CSMD1: variants seen among roughly 807,000 people sequenced by gnomAD.
The protein encoded by CSMD1 is CUB and Sushi multiple domains 1.
Under a neutral mutation model 417.5 loss-of-function variants are expected in CSMD1, and 213 were observed. The observed-to-expected ratio is 0.51, with a 90% CI of 0.46 to 0.57. CSMD1 has a LOEUF of 0.57. CSMD1 is among the 20% of genes least tolerant of loss of function. The pLI, the probability that CSMD1 is intolerant of heterozygous loss-of-function variation, is 0.00. For synonymous variants in CSMD1, 2,862 were observed against 1,736.8 expected (o/e 1.65, Z -16.11); for missense variants, 6,923 against 4,529.7 (o/e 1.53, Z -15.17).
intron 7 of CSMD1, among the ~76,000 whole-genome samples, chr8:3,661,844 G>A (rs897192496): frequency 2.6e-5 from 4 of 152,054 alleles, no homozygotes; most frequent in African/African-American, 9.7e-5. Flanking sequence ...CACCAAACAA[G>A]CCACCCTTTA....
intron 1 of CSMD1, among the ~76,000 whole-genome samples, chr8:4,804,854 C>T (rs944122176): frequency 6.6e-6 from 1 of 152,172 alleles, no homozygotes; most frequent in Non-Finnish European, 1.5e-5. Flanking sequence ...AGACATGGCT[C>T]ATTGTCTAAC....
chr8:4,474,618 T>C (rs1379170652), intron 2 of CSMD1, among the ~76,000 whole-genome samples: 1 of 152,150 alleles, frequency 6.6e-6, no homozygotes, highest in East Asian at 1.9e-4. Context: ...ACGTAACCCA[T>C]TCCTGGGTGC....
Position 4,808,552 on chromosome 8 carries a change from A to G in CSMD1, c.86-170994T>C, listed in dbSNP as rs141455219. Among the ~76,000 whole-genome samples the G allele has an allele frequency of 1.1e-4, 16 of 152,278 alleles. 1 individual carries two copies. The highest frequency in any genetic ancestry group is 3.6e-4 in the African/African-American group (15 of 41,564). On this transcript the variant is annotated intron_variant, in intron 1 of 69. Coordinates refer to ENST00000635120, the MANE Select transcript of CSMD1 (RefSeq NM_033225.6). Reference sequence around the variant, plus strand: ...GTAGAAAAAGGCTTTCAGTGATACAACTTAATATGTTCCTAGACACTTATC... The same window carrying G: ...GTAGAAAAAGGCTTTCAGTGATACAGCTTAATATGTTCCTAGACACTTATC...
chr8:3,583,816 C>G (rs1800483695), intron 9 of CSMD1, among the ~76,000 whole-genome samples: 1 of 151,950 alleles, frequency 6.6e-6, no homozygotes. Flanking sequence ...GGTCAGAACA[C>G]AAGTATTAGG....
intron 7 of CSMD1, among the ~76,000 whole-genome samples, chr8:3,618,920 G>A (rs943942559): frequency 1.3e-5 from 2 of 152,176 alleles, no homozygotes; most frequent in African/African-American, 4.8e-5. Context: ...TGGTCGCTCT[G>A]TGGGCTGCCT....
At chr8:3,764,755 T>A (rs1360709961) in intron 5 of CSMD1, among the ~76,000 whole-genome samples, 136 of 136,088 alleles carry the variant, frequency 1.0e-3, no homozygotes, top group Non-Finnish European at 1.5e-3. Context: ...TTTTTTTTTT[T>A]TTTTATTTTG....
rs558499545 is a variant in CSMD1 at position 4,758,836 on chromosome 8, T to C, written c.86-121278A>G. ...TAATCCAACCACCTCCCACCAGGTC[T>C]CTCCCTCAAAACCTGGGGATTACAA... On this transcript the variant is annotated intron_variant, in intron 1 of 69. Transcript: ENST00000635120. Among the ~76,000 whole-genome samples the C allele has an allele frequency of 2.6e-5, 4 of 152,172 alleles. No individual in the cohort carries two copies. In the East Asian group the frequency reaches 7.8e-4, roughly 29 times the overall value.
intron 1 of CSMD1, among the ~76,000 whole-genome samples, chr8:4,780,666 C>T (rs1490416197): frequency 6.6e-6 from 1 of 152,160 alleles, no homozygotes; most frequent in Non-Finnish European, 1.5e-5. Flanking sequence ...GTGCACCCAT[C>T]ACCCGAGTGG....
rs937745259 is a variant in CSMD1, at chr8:3,826,987, G to A, written c.819-72945C>T. 4.6e-5 allele frequency among the ~76,000 whole-genome samples: 7 copies of A among 152,000 alleles called. No individual in the cohort carries two copies. The East Asian group carries it at 1.4e-3, about 30-fold the overall frequency. ...TATAGAGACAGAGTGTTGCTATGTT[G>A]CCCAAGCTGGTCTTGAACTCCTGAT... On this transcript the variant is annotated intron_variant, in intron 5 of 69. Transcript: ENST00000635120.
chr8:4,211,592 A>G (rs1364151575), intron 3 of CSMD1, among the ~76,000 whole-genome samples: 1 of 152,222 alleles, frequency 6.6e-6, no homozygotes, highest in Non-Finnish European at 1.5e-5. Context: ...CTGAAACGGC[A>G]AAAGTCATCT....
intron 3 of CSMD1, among the ~76,000 whole-genome samples, chr8:4,166,393 A>C (rs1487062881): frequency 6.6e-6 from 1 of 152,214 alleles, no homozygotes; most frequent in African/African-American, 2.4e-5. Context: ...CCCACAATTA[A>C]AGATAAAATG....
chr8:3,440,229 A>T (rs984950383), intron 12 of CSMD1, among the ~76,000 whole-genome samples: 4 of 116,454 alleles, frequency 3.4e-5, no homozygotes, highest in Non-Finnish European at 7.4e-5. Context: ...ATTAAACTGT[A>T]TATCAATTTG....
At chr8:3,807,250 C>G (rs1043427789) in intron 5 of CSMD1, among the ~76,000 whole-genome samples, 3 of 152,142 alleles carry the variant, frequency 2.0e-5, no homozygotes, top group Non-Finnish European at 4.4e-5. Context: ...ATAGTAATTT[C>G]CATTCTTTGA....
chr8:3,922,428 G>A (rs192585175), intron 5 of CSMD1, among the ~76,000 whole-genome samples: 113 of 151,882 alleles, frequency 7.4e-4, no homozygotes, highest in Non-Finnish European at 1.5e-3. Flanking sequence ...AAACTTCTTG[G>A]ACTGTTTCAT....
At chr8:3,558,563 C>T (rs930807460) in intron 10 of CSMD1, among the ~76,000 whole-genome samples, 8 of 148,012 alleles carry the variant, frequency 5.4e-5, no homozygotes, top group Non-Finnish European at 6.0e-5. Context: ...TACCCCGTGT[C>T]CACTCCTGCA....
chr8:4,932,960 A>C (rs566946290), intron 1 of CSMD1, among the ~76,000 whole-genome samples: 1 of 152,294 alleles, frequency 6.6e-6, no homozygotes, highest in South Asian at 2.1e-4. Context: ...TCTAGCCAAA[A>C]TGCAGGAATT....
At chr8:4,364,395 G>C (rs142525655) in intron 3 of CSMD1, among the ~76,000 whole-genome samples, 102 of 152,106 alleles carry the variant, frequency 6.7e-4, no homozygotes, top group Middle Eastern at 3.4e-3. Context: ...TACTGTTATA[G>C]CTTCCATTAT....
intron 3 of CSMD1, among the ~76,000 whole-genome samples, chr8:4,316,067 G>A (rs1251095185): frequency 6.6e-6 from 1 of 151,974 alleles, no homozygotes; most frequent in Non-Finnish European, 1.5e-5. Flanking sequence ...GAATCCTTGA[G>A]TAGAAAATAA....
At chr8:3,885,695 C>T (rs375007874) in intron 5 of CSMD1, among the ~76,000 whole-genome samples, 6 of 152,228 alleles carry the variant, frequency 3.9e-5, no homozygotes, top group Middle Eastern at 3.4e-3. Context: ...CAGAAATGCA[C>T]GTGTGAGCTC....
Sources: allele counts gnomAD v4.1 joint callset (sites outside exome capture counted in the v4.1 genomes callset), GRCh38; gene constraint gnomAD v4.1.1; transcripts MANE v1.5; gene names NCBI Gene and HGNC (gene_info 2026-07-23, HGNC 2026-07-21).